The following SHC4 variants were observed in gnomAD, a reference collection of about 807,000 sequenced individuals.
SHC4 encodes the protein SHC-transforming protein 4.
A neutral mutation model predicts 69.4 loss-of-function variants in SHC4; 41 were observed. That is an observed-to-expected ratio of 0.59 (90% CI 0.46 to 0.77). The LOEUF (loss-of-function observed/expected upper bound fraction) is 0.77. Ranked by LOEUF, SHC4 falls within the 30% of genes least tolerant of loss-of-function variation. The pLI is 0.00. For synonymous variants in SHC4, 318 were observed against 299.3 expected, an observed-to-expected ratio of 1.06 and a Z score of -0.64; for missense variants, 777 against 783.8, an observed-to-expected ratio of 0.99 and a Z score of 0.10.
rs1000838605 is a variant in SHC4, at chr15:48,843,580, G to A, written c.1312C>T (p.His438Tyr). Residue 438 changes from histidine to tyrosine, a missense_variant, in exon 10 of 12, where the codon CAT (histidine) becomes TAT (tyrosine). Coordinates refer to ENST00000332408, the MANE Select transcript of SHC4 (RefSeq NM_203349.4). ...LEQSRAIGNV[H>Y]PRGVQSQRDT... is the part of the protein sequence containing the mutation. ...CGCTGGGACTGCACCCCTCTTGGAT[G>A]GACATTACCTGTAGTGATTAGTAGT... The A allele has an allele frequency of 1.9e-6, 3 of 1,613,546 alleles. No individual in the cohort carries two copies. The African/African-American group carries it at 4.0e-5, about 22-fold the overall frequency.
intron 7 of SHC4, among the ~76,000 whole-genome samples, chr15:48,856,571 GA>G (rs983524478): frequency 4.8e-5 from 7 of 146,860 alleles, no homozygotes; most frequent in Admixed American, 6.8e-5. Flanking sequence ...AAACCAAAAT[GA>G]AAAAAAAAAT....
chr15:48,924,112 C>A (rs972762488), intron 2 of SHC4, among the ~76,000 whole-genome samples: 1 of 152,152 alleles, frequency 6.6e-6, no homozygotes, highest in Admixed American at 6.5e-5. Context: ...GAACAGGAGG[C>A]CTGCAAGCAC....
chr15:48,893,348 G>A (rs1463488437), intron 2 of SHC4, among the ~76,000 whole-genome samples: 1 of 152,184 alleles, frequency 6.6e-6, no homozygotes, highest in African/African-American at 2.4e-5. Context: ...AGAAATAAGA[G>A]TCTAAAAACT....
At chr15:48,888,802 T>C (rs1900083534) in intron 3 of SHC4, among the ~76,000 whole-genome samples, 1 of 150,026 alleles carries the variant, frequency 6.7e-6, no homozygotes, top group African/African-American at 2.5e-5. Context: ...GGCTGAGGCA[T>C]TGAGAATCGT....
At chr15:48,844,941 T>A (rs965845889) in intron 9 of SHC4, among the ~76,000 whole-genome samples, 6 of 152,214 alleles carry the variant, frequency 3.9e-5, no homozygotes, top group African/African-American at 1.4e-4. Flanking sequence ...GTCTTGGGTA[T>A]GTCTTTATTA....
At chr15:48,895,438 T>A (rs1257284829) in intron 2 of SHC4, among the ~76,000 whole-genome samples, 1 of 152,044 alleles carries the variant, frequency 6.6e-6, no homozygotes, top group African/African-American at 2.4e-5. Flanking sequence ...TCCCCTAACA[T>A]AGTGAGGCGC....
chr15:48,834,870 A>G lies in SHC4; in HGVS notation c.1636T>C (p.Phe546Leu), dbSNP rs760269118. 5 of 1,614,184 alleles carry G rather than the reference A, an allele frequency of 3.1e-6. No homozygotes were observed. In the South Asian group the frequency reaches 3.3e-5, roughly 11 times the overall value. ...GATGTTGCACTCTCTCGAACCAAAA[A>G]GTCCCCATCCTTTACCAAGAGGCTC... is the stretch of plus-strand genomic sequence containing the variant. ...AESLLVKDGDFLVRESATSPG... is the reference protein window; with the variant it reads ...AESLLVKDGDLLVRESATSPG... The change falls in exon 11 of 12, where the codon TTT (phenylalanine) becomes CTT (leucine). Residue 546 changes from phenylalanine to leucine, a missense_variant. By Grantham distance (22) the Phe-to-Leu change is conservative. Transcript: ENST00000332408.
chr15:48,833,053 TTTTG>T (rs976519546), intron 11 of SHC4, among the ~76,000 whole-genome samples: 3 of 152,226 alleles, frequency 2.0e-5, no homozygotes, highest in East Asian at 1.9e-4. Context: ...TAGATATTTA[TTTTG>T]TTTGTTTGTT....
chr15:48,945,248 T>C (rs966985422), intron 1 of SHC4, among the ~76,000 whole-genome samples: 2 of 151,934 alleles, frequency 1.3e-5, no homozygotes, highest in African/African-American at 4.8e-5. Context: ...CTCAACCACT[T>C]GGGAATCCAG....
intron 1 of SHC4, among the ~76,000 whole-genome samples, chr15:48,954,607 G>A (rs927395105): frequency 1.3e-5 from 2 of 152,204 alleles, no homozygotes; most frequent in Non-Finnish European, 2.9e-5. Flanking sequence ...TAAACATTAG[G>A]CAGCTTTAGA....
chr15:48,835,003 C>A lies in SHC4; in HGVS notation c.1503G>T (p.Gln501His). The A allele has an allele frequency of 1.2e-6, 2 of 1,611,810 alleles. No individual in the cohort carries two copies. The change falls in exon 11 of 12, where the codon CAG becomes CAT. Residue 501 changes from glutamine to histidine, a missense_variant. By Grantham distance (24) the Gln-to-His change is conservative. Transcript: ENST00000332408. ...WHCGKAPETVQPGATAQPASS... is the reference protein window; with the variant it reads ...WHCGKAPETVHPGATAQPASS... ...TGGCAGGCTGGGCTGTGGCACCCGG[C>A]TGAACAGTTTCTGGTGCCTCTGAAG...
chr15:48,933,294 C>A (rs1901005963), intron 1 of SHC4, among the ~76,000 whole-genome samples: 1 of 151,944 alleles, frequency 6.6e-6, no homozygotes, highest in Admixed American at 6.6e-5. Context: ...AATGAACAAT[C>A]CAAAACAAAA....
intron 9 of SHC4, among the ~76,000 whole-genome samples, chr15:48,844,143 T>G (rs1158387098): frequency 6.6e-6 from 1 of 152,230 alleles, no homozygotes; most frequent in Non-Finnish European, 1.5e-5. Flanking sequence ...AGTTTGCTCT[T>G]GCCAACCTCA....
chr15:48,905,344 G>GA (rs778688531), intron 2 of SHC4, among the ~76,000 whole-genome samples: 13 of 152,238 alleles, frequency 8.5e-5, no homozygotes, highest in Non-Finnish European at 1.5e-4. Flanking sequence ...TTGCTCCACT[G>GA]AAAAAAGACC....
intron 2 of SHC4, among the ~76,000 whole-genome samples, chr15:48,909,600 G>C (rs554336200): frequency 8.5e-5 from 13 of 152,248 alleles, no homozygotes; most frequent in Non-Finnish European, 1.6e-4. Context: ...TGTTGAAGAG[G>C]AATGGTGAGA....
chr15:48,881,082 G>C (rs1339862741), intron 4 of SHC4, among the ~76,000 whole-genome samples: 2 of 151,520 alleles, frequency 1.3e-5, no homozygotes. Flanking sequence ...TGCAAGGTAG[G>C]GGATTTAAAG....
chr15:48,925,416 G>A (rs776492750), intron 1 of SHC4, among the ~76,000 whole-genome samples: 1 of 152,166 alleles, frequency 6.6e-6, no homozygotes, highest in African/African-American at 2.4e-5. Context: ...TACATACAAA[G>A]GCCTAAATAG....
intron 1 of SHC4, among the ~76,000 whole-genome samples, chr15:48,946,335 A>G (rs1288954607): frequency 6.6e-6 from 1 of 152,206 alleles, no homozygotes; most frequent in Admixed American, 6.5e-5. Context: ...ATAAATCATA[A>G]ATAAATATAT....
chr15:48,890,774 C>T lies in SHC4; in HGVS notation c.694G>A (p.Ala232Thr), dbSNP rs201766356. The change falls in exon 3 of 12, where the codon GCA (alanine) becomes ACA (threonine). Residue 232 changes from alanine to threonine, a missense_variant. By Grantham distance (58) the Ala-to-Thr change is moderately conservative. Coordinates refer to ENST00000332408, the MANE Select transcript of SHC4 (RefSeq NM_203349.4). ...TTTCGCTTTTTAATGGCTCCATTTGCCCCGGGGACAGCTTCACACAGGCGA... is the reference window on the plus strand; with the variant it reads ...TTTCGCTTTTTAATGGCTCCATTTGTCCCGGGGACAGCTTCACACAGGCGA... ...ISRLCEAVPG[A>T]NGAIKKRKPP... 7.8e-5 allele frequency: 126 copies of T among 1,614,118 alleles called. No homozygotes were observed. In the African/African-American group the frequency reaches 1.5e-3, roughly 19 times the overall value.
Sources: gnomAD v4.1 joint callset for allele counts (sites outside exome capture counted in the v4.1 genomes callset) on GRCh38, gnomAD v4.1.1 for gene constraint, MANE v1.5 for transcripts, NCBI Gene and HGNC (gene_info 2026-07-23, HGNC 2026-07-21) for gene names.